The following MAP2K4 variants were observed in gnomAD, a reference collection of about 807,000 sequenced individuals.
MAP2K4 encodes mitogen-activated protein kinase kinase 4, also known as dual specificity mitogen-activated protein kinase kinase 4.
In MAP2K4, 4 loss-of-function variants were observed where a neutral mutation model predicts 48.5. That is an observed-to-expected ratio of 0.08 (90% CI 0.04 to 0.19). MAP2K4 has a LOEUF of 0.19. Among genes scored for constraint, MAP2K4 ranks in the 10% least tolerant of loss-of-function variants. MAP2K4 has a pLI of 1.00. For missense variants in MAP2K4, 258 were observed against 493.3 expected (o/e 0.52, Z 4.52); for synonymous variants, 166 against 173.1 (o/e 0.96, Z 0.32).
chr17:12,141,523 C>T lies in MAP2K4; in HGVS notation c.*263C>T. 1 of 477,720 alleles carries T rather than the reference C, an allele frequency of 2.1e-6. No individual in the cohort carries two copies. The highest frequency in any genetic ancestry group is 3.8e-6 in the Non-Finnish European group (1 of 265,420). 29.6% of individuals were successfully genotyped at this position (477,720 alleles called of 1,614,324 possible). A position where few individuals can be genotyped will look rare whatever the true frequency, so the allele number is the denominator to read the frequency against. ...GAACATATTCATGAAATGTGGAAGT[C>T]AGTACGATCAAGTTGTTGACTGTGA... On this transcript the variant is annotated 3_prime_UTR_variant, in exon 11 of 11. Coordinates refer to ENST00000353533, the MANE Select transcript of MAP2K4 (RefSeq NM_003010.4).
intron 1 of MAP2K4, among the ~76,000 whole-genome samples, chr17:12,037,727 C>A (rs1969644470): frequency 6.6e-6 from 1 of 151,938 alleles, no homozygotes; most frequent in South Asian, 2.1e-4. Flanking sequence ...TTGTGGGGAC[C>A]ATGATAAATT....
intron 2 of MAP2K4, among the ~76,000 whole-genome samples, chr17:12,062,592 G>GTGC (rs1301867114): frequency 6.6e-6 from 1 of 152,146 alleles, no homozygotes; most frequent in Non-Finnish European, 1.5e-5. Context: ...GCCTCCCAGA[G>GTGC]TGCTGGAATT....
chr17:12,066,122 TTG>T (rs1970609106), intron 2 of MAP2K4, among the ~76,000 whole-genome samples: 1 of 148,030 alleles, frequency 6.8e-6, no homozygotes. Context: ...ACATTTACTA[TTG>T]TTTCTTTCTT....
At position 12,143,464 on chromosome 17, in the gene MAP2K4, C is replaced by T. The variant is rs964122032; in HGVS notation, c.*2204C>T. 2 of 232,190 alleles carry T rather than the reference C, an allele frequency of 8.6e-6. No homozygotes were observed. The highest frequency in any genetic ancestry group is 4.4e-5 in the African/African-American group (2 of 45,240). 14.4% of individuals were successfully genotyped at this position (232,190 alleles called of 1,614,324 possible). ...CTGTGAAAATAGTGTAAGAACTGTA[C>T]ATTGTGAGCTCTGGTTATTTTTCTC... On this transcript the variant is annotated 3_prime_UTR_variant, in exon 11 of 11. Transcript: ENST00000353533.
chr17:12,078,920 A>ATGCTG (rs1299313297), intron 2 of MAP2K4, among the ~76,000 whole-genome samples: 1 of 152,212 alleles, frequency 6.6e-6, no homozygotes, highest in African/African-American at 2.4e-5. Context: ...TTTGCTGGAA[A>ATGCTG]GATCGCTAGC....
At chr17:12,052,497 T>C (rs1291788416) in intron 1 of MAP2K4, among the ~76,000 whole-genome samples, 1 of 152,246 alleles carries the variant, frequency 6.6e-6, no homozygotes, top group Non-Finnish European at 1.5e-5. Context: ...TAATATATTT[T>C]ATTGTTTATC....
intron 3 of MAP2K4, 96 bp from the exon 4 acceptor site, chr17:12,095,479 C>G: frequency 7.3e-7 from 1 of 1,362,450 alleles, no homozygotes; most frequent in Non-Finnish European, 1.0e-6. Context: ...AATTTTTAGT[C>G]TCGTAACGGT....
At chr17:12,125,098 T>A in intron 7 of MAP2K4, 196 bp from the exon 8 acceptor site, 1 of 570,362 alleles carries the variant, frequency 1.8e-6, no homozygotes. Flanking sequence ...GTGTTCTCTT[T>A]ATGGAAGTAG....
chr17:12,118,825 A>G (rs991535020), intron 7 of MAP2K4, among the ~76,000 whole-genome samples: 1 of 152,234 alleles, frequency 6.6e-6, no homozygotes, highest in African/African-American at 2.4e-5. Context: ...TGACTAAGAC[A>G]CAGTCATGCC....
At chr17:12,079,741 C>A (rs1971129341) in intron 2 of MAP2K4, among the ~76,000 whole-genome samples, 1 of 152,150 alleles carries the variant, frequency 6.6e-6, no homozygotes, top group African/African-American at 2.4e-5. Context: ...GAACAATAAT[C>A]ATTATACATG....
intron 9 of MAP2K4, among the ~76,000 whole-genome samples, chr17:12,135,830 G>T (rs1973189566): frequency 6.6e-6 from 1 of 152,150 alleles, no homozygotes; most frequent in Admixed American, 6.5e-5. Context: ...CATTACAGGG[G>T]TGAACCATCG....
At chr17:12,115,499 C>T (rs903438972) in intron 7 of MAP2K4, 33 of 600,830 alleles carry the variant, frequency 5.5e-5, no homozygotes, top group African/African-American at 3.0e-4. Context: ...AGAAAAGGTA[C>T]GGTCAAAATA....
At chr17:12,068,971 G>C (rs1289633164) in intron 2 of MAP2K4, among the ~76,000 whole-genome samples, 4 of 152,092 alleles carry the variant, frequency 2.6e-5, no homozygotes, top group Non-Finnish European at 5.9e-5. Context: ...TGTGTCCAGG[G>C]CTGAGCCCCA....
At position 12,126,838 on chromosome 17, in the gene MAP2K4, G is replaced by A. The variant is rs1972869697; in HGVS notation, c.891+1467G>A. The stretch of plus-strand genomic sequence containing the variant: ...GGACTTGCTGGGTTTTTCTGATTTG[G>A]GATAGCTTCTTTAGCTGCTTCTACA... On this transcript the variant is annotated intron_variant, in intron 8 of 10. Coordinates refer to ENST00000353533, the MANE Select transcript of MAP2K4 (RefSeq NM_003010.4). 2.0e-5 allele frequency among the ~76,000 whole-genome samples: 3 copies of A among 152,042 alleles called. No homozygotes were observed. The South Asian group carries it at 6.2e-4, about 31-fold the overall frequency.
intron 2 of MAP2K4, among the ~76,000 whole-genome samples, chr17:12,055,955 T>C: frequency 6.6e-6 from 1 of 152,096 alleles, no homozygotes. Context: ...ATCACACTTC[T>C]TGTCAGAGCT....
At chr17:12,021,031 GC>G in intron 1 of MAP2K4, 30 bp downstream of exon 1, 1 of 1,174,930 alleles carries the variant, frequency 8.5e-7, no homozygotes. Context: ...CGAGATCCCA[GC>G]CCCCTAGCGC....
intron 1 of MAP2K4, 76 bp from the exon 2 acceptor site, chr17:12,054,813 T>G: frequency 1.2e-6 from 1 of 851,516 alleles, no homozygotes. Context: ...CCTTTTGGTG[T>G]GACTTTCTTA....
chr17:12,123,223 T>C (rs1219022862), intron 7 of MAP2K4, among the ~76,000 whole-genome samples: 1 of 152,236 alleles, frequency 6.6e-6, no homozygotes, highest in Non-Finnish European at 1.5e-5. Context: ...AGTTCACCAG[T>C]GAGCCCATCT....
At chr17:12,043,606 AT>A (rs774226323) in intron 1 of MAP2K4, among the ~76,000 whole-genome samples, 1 of 152,122 alleles carries the variant, frequency 6.6e-6, no homozygotes, top group Non-Finnish European at 1.5e-5. Context: ...AGCATGTCTT[AT>A]GGAACTCAGG....
Sources: allele counts gnomAD v4.1 joint callset (sites outside exome capture counted in the v4.1 genomes callset), GRCh38; gene constraint gnomAD v4.1.1; transcripts MANE v1.5; gene names NCBI Gene and HGNC (gene_info 2026-07-23, HGNC 2026-07-21).